The following BRWD3 variants were observed in gnomAD, a reference collection of about 807,000 sequenced individuals.
BRWD3 encodes the protein bromodomain and WD repeat domain containing 3, also known as bromodomain and WD repeat-containing protein 3.
In BRWD3, 10 loss-of-function variants were observed where a neutral mutation model predicts 149.7. The ratio of observed to expected loss-of-function variants is 0.07; its 90% CI spans 0.04 to 0.11. The LOEUF (loss-of-function observed/expected upper bound fraction) is 0.11. BRWD3 is among the 10% of genes least tolerant of loss of function. BRWD3 has a pLI of 1.00. For missense variants in BRWD3, 940 were observed against 1,373.2 expected, an observed-to-expected ratio of 0.68 and a Z score of 4.99; for synonymous variants, 504 against 456.7, an observed-to-expected ratio of 1.10 and a Z score of -1.32.
At position 80,677,346 on chromosome X, in the gene BRWD3, G is replaced by A. The variant is rs1360946856; in HGVS notation, c.4672C>T (p.Pro1558Ser). The part of the protein sequence containing the change: ...PVKQDHSLDG[P>S]LTNGDGREPR... ...TCTCTGCCATCACCATTTGTAAGGGGTCCATCAAGGGAGTGATCTAAATTA... is the reference window on the plus strand; with the variant it reads ...TCTCTGCCATCACCATTTGTAAGGGATCCATCAAGGGAGTGATCTAAATTA... The change falls in exon 41 of 41, where the codon CCC (proline) becomes TCC (serine). Residue 1558 changes from proline to serine, a missense_variant. By Grantham distance (74) the Pro-to-Ser change is moderately conservative. This residue lies in a region of BRWD3 where 349 missense variants were observed against 419.6 expected (regional missense o/e 0.83). Transcript: ENST00000373275. 8.3e-6 allele frequency: 10 copies of A among 1,199,316 alleles called. No individual in the cohort carries two copies. The highest frequency in any genetic ancestry group is 3.5e-5 in the African/African-American group (2 of 56,660).
chrX:80,745,464 T>A (rs182310913), intron 7 of BRWD3, 105 bp downstream of exon 7: 1 of 760,376 alleles, frequency 1.3e-6, no homozygotes, highest in African/African-American at 2.1e-5. Flanking sequence ...CACCCATATA[T>A]CCAAAAAAAG....
intron 26 of BRWD3, among the ~76,000 whole-genome samples, 183 bp downstream of exon 26, chrX:80,696,556 A>G (rs1199155308): frequency 9.1e-6 from 1 of 109,555 alleles, no homozygotes; most frequent in African/African-American, 3.3e-5. Flanking sequence ...ACACACACAC[A>G]CACACACAAA....
chrX:80,801,235 T>TA (rs1267727172), intron 4 of BRWD3, among the ~76,000 whole-genome samples: 2 of 96,141 alleles, frequency 2.1e-5, no homozygotes, highest in Non-Finnish European at 4.2e-5. Context: ...TTTTTTTTTT[T>TA]TTGAGATGGA....
intron 10 of BRWD3, 24 bp from the exon 11 acceptor site, chrX:80,734,242 A>C: frequency 9.8e-7 from 1 of 1,020,746 alleles, no homozygotes; most frequent in Non-Finnish European, 1.4e-6. Context: ...AAACAAAACA[A>C]AACATAGTAC....
intron 6 of BRWD3, among the ~76,000 whole-genome samples, chrX:80,764,829 T>C (rs1323165610): frequency 1.8e-5 from 2 of 111,073 alleles, no homozygotes; most frequent in Admixed American, 9.6e-5. Flanking sequence ...AACAATGAAA[T>C]TAAAAATAAT....
At chrX:80,736,204 TA>T in intron 8 of BRWD3, 116 bp from the exon 9 acceptor site, 1 of 498,718 alleles carries the variant, frequency 2.0e-6, no homozygotes, top group Non-Finnish European at 3.2e-6. Context: ...TAAATTCAGC[TA>T]AAAATTTTTG....
chrX:80,720,943 A>T (rs1227223576), intron 17 of BRWD3, among the ~76,000 whole-genome samples: 1 of 112,289 alleles, frequency 8.9e-6, no homozygotes, highest in Non-Finnish European at 1.9e-5. Flanking sequence ...TTTGCTGCCT[A>T]AGAACAACTA....
Position 80,700,740 on chromosome X carries a change from A to AAAAT in BRWD3, c.2836-680_2836-677dup, listed in dbSNP as rs761838716. Reference sequence around the variant, plus strand: ...CAATAAGAGCAAAACTCCCTGTCAAAAAATAAATAAATAAATAAATAAATA... The same window carrying AAAAT: ...CAATAAGAGCAAAACTCCCTGTCAAAAAATAAATAAATAAATAAATAAATAAATA... On this transcript the variant is annotated intron_variant, in intron 24 of 40. Coordinates refer to ENST00000373275, the MANE Select transcript of BRWD3 (RefSeq NM_153252.5). 1.1e-3 allele frequency among the ~76,000 whole-genome samples: 120 copies of AAAAT among 108,128 alleles called. 1 individual carries two copies. Among genetic ancestry groups the AAAAT allele is most frequent in the East Asian group, 0.01 (35 of 3,434 alleles). 93.9% of individuals were successfully genotyped at this position (108,128 alleles called of 115,157 possible).
In BRWD3 at chrX:80,676,609, TTAA is replaced by T; in HGVS notation, c.5406_5408del (p.Tyr1802del). The T allele has an allele frequency of 1.7e-6, 2 of 1,210,466 alleles. No homozygotes were observed. The highest frequency in any genetic ancestry group is 2.2e-6 in the Non-Finnish European group (2 of 894,796). ...TAAGTTATTCTAAATTTATTAACTGTTAATAATTCCATCCCATGAGATGGCTAA... is the reference window on the plus strand; with the variant it reads ...TAAGTTATTCTAAATTTATTAACTGTTAATTCCATCCCATGAGATGGCTAA... On this transcript the variant is annotated inframe_deletion, in exon 41 of 41. Coordinates refer to ENST00000373275, the MANE Select transcript of BRWD3 (RefSeq NM_153252.5).
rs988515845 is a variant in BRWD3 at position 80,729,796 on chromosome X, T to A, written c.1232+120A>T. ...GCTTAGAGGCTGTACAGATGCAAAC[T>A]TCATGTCTACAATTAACTTCAAACT... On this transcript the variant is annotated intron_variant, in intron 13 of 40. Coordinates refer to ENST00000373275, the MANE Select transcript of BRWD3 (RefSeq NM_153252.5). 18 of 539,316 alleles carry A rather than the reference T, an allele frequency of 3.3e-5. No homozygotes were observed. In the Admixed American group the frequency reaches 5.2e-4, roughly 15 times the overall value. 44.4% of individuals were successfully genotyped at this position (539,316 alleles called of 1,213,427 possible).
At chrX:80,687,236 A>G (rs1210861034) in intron 34 of BRWD3, among the ~76,000 whole-genome samples, 2 of 111,150 alleles carry the variant, frequency 1.8e-5, no homozygotes, top group African/African-American at 6.5e-5. Flanking sequence ...CAAGAATTCT[A>G]GTACTCAAAT....
chrX:80,740,064 G>A (rs1363877698), intron 8 of BRWD3, among the ~76,000 whole-genome samples: 1 of 111,654 alleles, frequency 9.0e-6, no homozygotes, highest in African/African-American at 3.3e-5. Flanking sequence ...AAATCAAAAT[G>A]CATGAAATAA....
intron 2 of BRWD3, 59 bp from the exon 3 acceptor site, chrX:80,809,101 C>T (rs1242650343): frequency 8.6e-7 from 1 of 1,161,497 alleles, no homozygotes; most frequent in Non-Finnish European, 1.2e-6. Flanking sequence ...CCATTCCTCC[C>T]TCCACACTTA....
intron 4 of BRWD3, among the ~76,000 whole-genome samples, chrX:80,800,539 CAA>C (rs56396812): frequency 1.5e-4 from 5 of 33,461 alleles, no homozygotes; most frequent in African/African-American, 1.2e-4. Context: ...GATGCTGTCT[CAA>C]AAAAAAAAAA....
intron 8 of BRWD3, among the ~76,000 whole-genome samples, chrX:80,743,089 A>G (rs1388782664): frequency 8.9e-6 from 1 of 111,883 alleles, no homozygotes; most frequent in Non-Finnish European, 1.9e-5. Flanking sequence ...TAATTTATTG[A>G]GAGTTTTTAG....
chrX:80,736,705 A>AAACTT (rs1555974388), intron 8 of BRWD3, among the ~76,000 whole-genome samples: 4 of 110,232 alleles, frequency 3.6e-5, no homozygotes, highest in Middle Eastern at 4.8e-3. Flanking sequence ...TTAAAAAAAA[A>AAACTT]AAGTTGTCAA....
intron 4 of BRWD3, among the ~76,000 whole-genome samples, chrX:80,806,781 A>G (rs1280969253): frequency 8.9e-6 from 1 of 112,563 alleles, no homozygotes; most frequent in Non-Finnish European, 1.9e-5. Flanking sequence ...GTACATTTTT[A>G]AATGTTAAGA....
At chrX:80,712,760 C>T (rs1171227546) in intron 20 of BRWD3, among the ~76,000 whole-genome samples, 36 of 109,130 alleles carry the variant, frequency 3.3e-4, no homozygotes, top group African/African-American at 7.0e-4. Context: ...TCTGCCCTGC[C>T]GCCCCGTCTG....
intron 8 of BRWD3, among the ~76,000 whole-genome samples, chrX:80,739,563 TGAGAAA>T (rs2073454149): frequency 2.7e-5 from 3 of 110,399 alleles, no homozygotes; most frequent in Non-Finnish European, 5.7e-5. Flanking sequence ...GTAAAAGAAA[TGAGAAA>T]ATAAACAAGC....
Sources: gnomAD v4.1 joint callset for allele counts (sites outside exome capture counted in the v4.1 genomes callset) on GRCh38, gnomAD v4.1.1 for gene constraint, gnomAD v4.1.1 regional missense constraint, MANE v1.5 for transcripts, NCBI Gene and HGNC (gene_info 2026-07-23, HGNC 2026-07-21) for gene names.